Variants in STAT4 observed in about 807,000 individuals in gnomAD.
STAT4 encodes signal transducer and activator of transcription 4.
STAT4 carries 42 observed loss-of-function variants against 110.5 expected under a neutral mutation model. The observed-to-expected ratio is 0.38, with a 90% CI of 0.30 to 0.49. The LOEUF is 0.49. Ranked by LOEUF, STAT4 falls within the 20% of genes least tolerant of loss-of-function variation. The pLI is 0.95. For missense variants in STAT4, 632 were observed against 887.9 expected, an observed-to-expected ratio of 0.71 and a Z score of 3.66; for synonymous variants, 284 against 302.2, an observed-to-expected ratio of 0.94 and a Z score of 0.63.
rs535173081 is a variant in STAT4 at position 191,131,173 on chromosome 2, A to G, written c.273+15440T>C. Reference sequence around the variant, plus strand: ...ATTTGGCATTATGTAATATAATTAAAGATGTACATAGTGCATGATTCAGCA... The same window carrying G: ...ATTTGGCATTATGTAATATAATTAAGGATGTACATAGTGCATGATTCAGCA... On this transcript the variant is annotated intron_variant, in intron 3 of 23. Coordinates refer to ENST00000392320, the MANE Select transcript of STAT4 (RefSeq NM_003151.4). Among the ~76,000 whole-genome samples the G allele has an allele frequency of 5.4e-4, 82 of 151,912 alleles. 3 individuals are homozygous for G. The highest frequency in any genetic ancestry group is 1.8e-3 in the African/African-American group (76 of 41,174).
In STAT4 at chr2:191,058,965, A is replaced by G. The variant is rs923203728; in HGVS notation, c.1035-196T>C. On this transcript the variant is annotated intron_variant, in intron 10 of 23. Coordinates refer to ENST00000392320, the MANE Select transcript of STAT4 (RefSeq NM_003151.4). This position sits in a 1 kb window ranked among gnomAD's most constrained non-coding sequence, Gnocchi z 4.3. ...TTGCCATGTAACTAATGTTGACATC[A>G]GTCACTTAATAGCATTATTGGCAAA... Among the ~76,000 whole-genome samples, 1 of 152,216 alleles carries G rather than the reference A, an allele frequency of 6.6e-6. No homozygotes were observed. Among genetic ancestry groups the G allele is most frequent in the Non-Finnish European group, 1.5e-5 (1 of 68,034 alleles).
intron 3 of STAT4, among the ~76,000 whole-genome samples, chr2:191,114,368 C>T (rs1698516892): frequency 6.6e-6 from 1 of 151,984 alleles, no homozygotes; most frequent in Non-Finnish European, 1.5e-5. Context: ...TATTATTTTC[C>T]TTATGCATAT....
chr2:191,086,262 G>A lies in STAT4; in HGVS notation c.274-9937C>T, dbSNP rs181527749. On this transcript the variant is annotated intron_variant, in intron 3 of 23. Coordinates refer to ENST00000392320, the MANE Select transcript of STAT4 (RefSeq NM_003151.4). The surrounding 1 kb of genome is among the most constrained non-coding windows in gnomAD (Gnocchi z 5.5). The stretch of plus-strand genomic sequence containing the variant: ...GTCCTTCACAGGGTTCTTGACCTGT[G>A]ATAAGTAAAGATTGTCACTTTCTGA... 1.4e-4 allele frequency among the ~76,000 whole-genome samples: 21 copies of A among 152,242 alleles called. No individual in the cohort carries two copies. Among genetic ancestry groups the A allele is most frequent in the Admixed American group, 1.2e-3 (18 of 15,280 alleles).
rs958362125 is a variant in STAT4 at position 191,061,617 on chromosome 2, T to C, written c.1034+112A>G. 5 of 980,720 alleles carry C rather than the reference T, an allele frequency of 5.1e-6. No homozygotes were observed. In the African/African-American group the frequency reaches 6.4e-5, roughly 13 times the overall value. The allele number at this position is 980,720 out of a possible 1,614,324, so 60.8% of individuals were successfully genotyped here. ...AGCTCAGAGCTGGGCACACAGCAGATGGTTCAATAAAGAACAGCTGAATGC... is the reference window on the plus strand; with the variant it reads ...AGCTCAGAGCTGGGCACACAGCAGACGGTTCAATAAAGAACAGCTGAATGC... On this transcript the variant is annotated intron_variant, in intron 10 of 23. Coordinates refer to ENST00000392320, the MANE Select transcript of STAT4 (RefSeq NM_003151.4). This position sits in a 1 kb window ranked among gnomAD's most constrained non-coding sequence, Gnocchi z 6.2.
At position 191,149,411 on chromosome 2, in the gene STAT4, G is replaced by T. The variant is rs116214249; in HGVS notation, c.-1-1207C>A. Among the ~76,000 whole-genome samples, 1,141 of 152,202 alleles carry T rather than the reference G, an allele frequency of 7.5e-3. 18 individuals carry two copies. The highest frequency in any genetic ancestry group is 0.026 in the African/African-American group (1,074 of 41,538). On this transcript the variant is annotated intron_variant, in intron 1 of 23. Coordinates refer to ENST00000392320, the MANE Select transcript of STAT4 (RefSeq NM_003151.4). ...GAAAGCAAGTGGGAAAAGAAGTAAT[G>T]TTTTATTTGCATATCATTTTATATT...
In STAT4 at chr2:191,058,277, T is replaced by G; in HGVS notation, c.1095-58A>C. On this transcript the variant is annotated intron_variant, in intron 11 of 23. Coordinates refer to ENST00000392320, the MANE Select transcript of STAT4 (RefSeq NM_003151.4). This position sits in a 1 kb window ranked among gnomAD's most constrained non-coding sequence, Gnocchi z 4.3. ...TATTTAATAGATCTAGGAATAACTTTCTATGATAGTTTATTTTATTTATTT... is the reference window on the plus strand; with the variant it reads ...TATTTAATAGATCTAGGAATAACTTGCTATGATAGTTTATTTTATTTATTT... The G allele has an allele frequency of 6.9e-7, 1 of 1,448,954 alleles. No homozygotes were observed. Among genetic ancestry groups the G allele is most frequent in the Non-Finnish European group, 9.5e-7 (1 of 1,054,846 alleles). The allele number at this position is 1,448,954 out of a possible 1,614,324, so 89.8% of individuals were successfully genotyped here. A position where few individuals can be genotyped will look rare whatever the true frequency, so the allele number is the denominator to read the frequency against.
At chr2:191,068,767 T>C (rs1197815182) in intron 6 of STAT4, among the ~76,000 whole-genome samples, 1 of 152,142 alleles carries the variant, frequency 6.6e-6, no homozygotes, top group Non-Finnish European at 1.5e-5. Flanking sequence ...TAAATTAACA[T>C]CAGCACAATT....
At chr2:191,070,281 T>C (rs920174897) in intron 5 of STAT4, among the ~76,000 whole-genome samples, 8 of 152,220 alleles carry the variant, frequency 5.3e-5, no homozygotes, top group Non-Finnish European at 1.0e-4. Context: ...TTGAGATTTT[T>C]ACTTTACTTT....
intron 3 of STAT4, among the ~76,000 whole-genome samples, chr2:191,097,107 G>C (rs1011266042): frequency 1.3e-5 from 2 of 151,964 alleles, no homozygotes; most frequent in Non-Finnish European, 1.5e-5. Context: ...ACCACTGCTC[G>C]ACGAAATAAA....
intron 3 of STAT4, among the ~76,000 whole-genome samples, chr2:191,131,144 A>C (rs1699026434): frequency 6.6e-6 from 1 of 151,776 alleles, no homozygotes; most frequent in African/African-American, 2.4e-5. Context: ...ATTTTTAAAA[A>C]ACAATTTGGC....
rs1697884548 is a variant in STAT4, at chr2:191,093,949, C to G, written c.274-17624G>C. ...GGGAACCATGTGAGGCATGCACAAGCTTCAATAGCCAATTCAATCAAGTGG... is the reference window on the plus strand; with the variant it reads ...GGGAACCATGTGAGGCATGCACAAGGTTCAATAGCCAATTCAATCAAGTGG... On this transcript the variant is annotated intron_variant, in intron 3 of 23. Transcript: ENST00000392320. 1.3e-5 allele frequency among the ~76,000 whole-genome samples: 2 copies of G among 152,108 alleles called. 1 individual carries two copies. The highest frequency in any genetic ancestry group is 4.2e-4 in the South Asian group (2 of 4,816).
chr2:191,082,420 C>T lies in STAT4; in HGVS notation c.274-6095G>A, dbSNP rs1697508798. 6.6e-6 allele frequency among the ~76,000 whole-genome samples: 1 copy of T among 152,164 alleles called. No homozygotes were observed. The highest frequency in any genetic ancestry group is 2.4e-5 in the African/African-American group (1 of 41,436). ...ATCAACATATGTTGCACCAACAGTG[C>T]ACATAATTCGATTGAAGTGACAACA... On this transcript the variant is annotated intron_variant, in intron 3 of 23. Coordinates refer to ENST00000392320, the MANE Select transcript of STAT4 (RefSeq NM_003151.4). The surrounding 1 kb of genome is among the most constrained non-coding windows in gnomAD (Gnocchi z 4.7).
At chr2:191,092,572 T>C (rs774824958) in intron 3 of STAT4, among the ~76,000 whole-genome samples, 1 of 151,990 alleles carries the variant, frequency 6.6e-6, no homozygotes, top group Non-Finnish European at 1.5e-5. Flanking sequence ...TAAAAACTCT[T>C]AGAGGTTCCA....
At position 191,146,398 on chromosome 2, in the gene STAT4, T is replaced by C. The variant is rs2125459103; in HGVS notation, c.273+215A>G. On this transcript the variant is annotated intron_variant, in intron 3 of 23. Coordinates refer to ENST00000392320, the MANE Select transcript of STAT4 (RefSeq NM_003151.4). The surrounding 1 kb of genome is among the most constrained non-coding windows in gnomAD (Gnocchi z 4.5). ...AGTCCCACATGCAACACACTTGTAATGTATTTTATACACTATACTTTTAGT... is the reference window on the plus strand; with the variant it reads ...AGTCCCACATGCAACACACTTGTAACGTATTTTATACACTATACTTTTAGT... 6.6e-6 allele frequency among the ~76,000 whole-genome samples: 1 copy of C among 152,276 alleles called. No individual in the cohort carries two copies. Among genetic ancestry groups the C allele is most frequent in the Non-Finnish European group, 1.5e-5 (1 of 68,024 alleles).
intron 6 of STAT4, chr2:191,068,238 C>T (rs963677507): frequency 2.0e-5 from 3 of 152,064 alleles, no homozygotes; most frequent in Non-Finnish European, 4.4e-5. Flanking sequence ...AAATTAAGTT[C>T]AAATAATCTA....
intron 3 of STAT4, among the ~76,000 whole-genome samples, chr2:191,106,284 A>C (rs1308969868): frequency 6.6e-6 from 1 of 151,988 alleles, no homozygotes; most frequent in African/African-American, 2.4e-5. Context: ...AGGTACTTGG[A>C]AGTTTTCGAA....
chr2:191,139,430 C>T (rs1202175101), intron 3 of STAT4, among the ~76,000 whole-genome samples: 1 of 152,158 alleles, frequency 6.6e-6, no homozygotes, highest in Non-Finnish European at 1.5e-5. Context: ...GTACGCAAAT[C>T]AGTAGCTCTG....
At chr2:191,064,702 G>A (rs1163541436) in intron 8 of STAT4, 105 bp downstream of exon 8, 6 of 1,358,480 alleles carry the variant, frequency 4.4e-6, no homozygotes, top group Non-Finnish European at 6.0e-6. Flanking sequence ...TCAATAAACT[G>A]AATGAACTGA....
intron 3 of STAT4, among the ~76,000 whole-genome samples, chr2:191,134,935 TC>T (rs1559082686): frequency 6.6e-6 from 1 of 151,780 alleles, no homozygotes; most frequent in Non-Finnish European, 1.5e-5. Flanking sequence ...AAAGGGAGGT[TC>T]ATAGAAATAA....
Sources: gnomAD v4.1 joint callset for allele counts (sites outside exome capture counted in the v4.1 genomes callset) on GRCh38, gnomAD v4.1.1 for gene constraint, Gnocchi (gnomAD v3.1) non-coding constraint, MANE v1.5 for transcripts, NCBI Gene and HGNC (gene_info 2026-07-23, HGNC 2026-07-21) for gene names.